CREM: variants seen among roughly 807,000 people sequenced by gnomAD.
CREM encodes cAMP responsive element modulator.
A neutral mutation model predicts 37.3 loss-of-function variants in CREM; 13 were observed. The ratio of observed to expected loss-of-function variants is 0.35; its 90% CI spans 0.23 to 0.55. CREM has a LOEUF of 0.55. CREM is among the 20% of genes least tolerant of loss of function. The probability of loss-of-function intolerance (pLI) is 0.88; values close to 1 mark genes in which losing one functional copy is unlikely to be tolerated. For missense variants in CREM, 296 were observed against 362.3 expected, an observed-to-expected ratio of 0.82 and a Z score of 1.49; for synonymous variants, 124 against 120.2, an observed-to-expected ratio of 1.03 and a Z score of -0.21.
intron 1 of CREM, 104 bp from the exon 2 acceptor site, chr10:35,137,678 C>T: frequency 4.5e-6 from 2 of 441,188 alleles, no homozygotes; most frequent in Non-Finnish European, 7.9e-6. Flanking sequence ...GAATATTCTT[C>T]CTGGCCTTGT....
At chr10:35,193,039 T>C (rs887814245) in intron 6 of CREM, among the ~76,000 whole-genome samples, 12 of 152,162 alleles carry the variant, frequency 7.9e-5, no homozygotes, top group South Asian at 4.1e-4. Flanking sequence ...AAGAATACGT[T>C]CCCCGAGGAA....
chr10:35,158,817 GTTTGT>G (rs1490727976), intron 3 of CREM, among the ~76,000 whole-genome samples: 12 of 65,048 alleles, frequency 1.8e-4, no homozygotes, highest in Admixed American at 8.9e-4. Flanking sequence ...TTGTTGTTTT[GTTTGT>G]TTTTTTTTTT....
intron 1 of CREM, among the ~76,000 whole-genome samples, chr10:35,130,156 A>G (rs1261058255): frequency 1.3e-5 from 2 of 148,278 alleles, no homozygotes; most frequent in East Asian, 2.0e-4. Context: ...AGATCAAGCC[A>G]TTGCATTCCA....
intron 2 of CREM, among the ~76,000 whole-genome samples, chr10:35,145,302 T>A (rs2091948677): frequency 6.6e-6 from 1 of 151,800 alleles, no homozygotes; most frequent in South Asian, 2.1e-4. Context: ...TCTACTCCAA[T>A]CACCTATTCT....
Position 35,179,005 on chromosome 10 carries a change from C to T in CREM, c.266+19C>T. ...CTTATAGGTAAGTTAACCAAGTTTC[C>T]TAATGTAAAGATACTTTTTCCAAAA... On this transcript the variant is annotated intron_variant, in intron 4 of 7. Transcript: ENST00000685392. 6.3e-7 allele frequency: 1 copy of T among 1,583,194 alleles called. No individual in the cohort carries two copies. The highest frequency in any genetic ancestry group is 8.6e-7 in the Non-Finnish European group (1 of 1,164,606).
At chr10:35,182,139 T>C (rs986708298) in intron 5 of CREM, among the ~76,000 whole-genome samples, 1 of 152,242 alleles carries the variant, frequency 6.6e-6, no homozygotes, top group Non-Finnish European at 1.5e-5. Flanking sequence ...ACTAACAACA[T>C]TCAAACTTTT....
rs142529310 is a variant in CREM at position 35,178,494 on chromosome 10, G to C, written c.169-395G>C. 4.6e-3 allele frequency among the ~76,000 whole-genome samples: 704 copies of C among 152,294 alleles called. 5 individuals are homozygous for C. The highest frequency in any genetic ancestry group is 7.3e-3 in the Non-Finnish European group (497 of 68,026). ...GAGTGTGGGAACAGCAGTGTGATCCGGGAGCTCTCTTCTGCGTTGGCCCCT... is the reference window on the plus strand; with the variant it reads ...GAGTGTGGGAACAGCAGTGTGATCCCGGAGCTCTCTTCTGCGTTGGCCCCT... On this transcript the variant is annotated intron_variant, in intron 3 of 7. Coordinates refer to ENST00000685392, the MANE Select transcript of CREM (RefSeq NM_183011.2).
rs114999550 is a variant in CREM, at chr10:35,161,929, A to G, written c.168+13438A>G. Reference sequence around the variant, plus strand: ...CCAGCAATTTCATTACTGGGTATCTATCCAAAGGAGATGAAAGCAGTGTGT... The same window carrying G: ...CCAGCAATTTCATTACTGGGTATCTGTCCAAAGGAGATGAAAGCAGTGTGT... On this transcript the variant is annotated intron_variant, in intron 3 of 7. Transcript: ENST00000685392. 7.0e-3 allele frequency among the ~76,000 whole-genome samples: 1,073 copies of G among 152,330 alleles called. 16 individuals carry two copies. Among genetic ancestry groups the G allele is most frequent in the African/African-American group, 0.024 (1,007 of 41,586 alleles).
At chr10:35,178,455 A>G (rs2094196746) in intron 3 of CREM, among the ~76,000 whole-genome samples, 1 of 152,210 alleles carries the variant, frequency 6.6e-6, no homozygotes, top group South Asian at 2.1e-4. Context: ...AGCTCACGCC[A>G]GCGCCAGCTG....
chr10:35,173,572 A>C (rs1299862584), intron 3 of CREM, among the ~76,000 whole-genome samples: 1 of 152,232 alleles, frequency 6.6e-6, no homozygotes, highest in African/African-American at 2.4e-5. Context: ...TACTATTTTT[A>C]AAATTTCTGT....
intron 6 of CREM, chr10:35,201,310 C>A: frequency 2.5e-6 from 2 of 814,878 alleles, no homozygotes; most frequent in Non-Finnish European, 3.9e-6. Context: ...CGTTGTCTTT[C>A]AGAACTTAAG....
chr10:35,169,391 TG>T (rs1338274569), intron 3 of CREM, among the ~76,000 whole-genome samples: 1 of 152,226 alleles, frequency 6.6e-6, no homozygotes, highest in Non-Finnish European at 1.5e-5. Context: ...ATGATTTGGC[TG>T]TTTGTCTGTT....
At chr10:35,204,443 T>C (rs1564990813) in intron 6 of CREM, among the ~76,000 whole-genome samples, 1 of 151,836 alleles carries the variant, frequency 6.6e-6, no homozygotes, top group African/African-American at 2.4e-5. Context: ...CTACTAAAAA[T>C]ACAAAAATTA....
intron 6 of CREM, among the ~76,000 whole-genome samples, chr10:35,192,780 G>C (rs1345454282): frequency 6.6e-6 from 1 of 152,152 alleles, no homozygotes; most frequent in Non-Finnish European, 1.5e-5. Context: ...AGGAAATTGG[G>C]TGGGGATACA....
intron 2 of CREM, among the ~76,000 whole-genome samples, chr10:35,146,415 A>G (rs2092116842): frequency 1.3e-5 from 2 of 152,362 alleles, no homozygotes; most frequent in African/African-American, 4.8e-5. Flanking sequence ...TCTGTGGGAA[A>G]GAAACCCTTT....
chr10:35,193,300 A>G (rs1317876665), intron 6 of CREM, among the ~76,000 whole-genome samples: 1 of 152,224 alleles, frequency 6.6e-6, no homozygotes, highest in Non-Finnish European at 1.5e-5. Context: ...TAACTGGTCC[A>G]GGGAATACAT....
intron 3 of CREM, among the ~76,000 whole-genome samples, chr10:35,161,495 A>T (rs185304868): frequency 6.6e-6 from 1 of 151,910 alleles, no homozygotes; most frequent in African/African-American, 2.4e-5. Flanking sequence ...CTCCATCTCA[A>T]AAACAAAAAA....
intron 7 of CREM, among the ~76,000 whole-genome samples, chr10:35,208,393 A>T (rs887061507): frequency 6.6e-6 from 1 of 152,172 alleles, no homozygotes; most frequent in Non-Finnish European, 1.5e-5. Context: ...ATTTAAACAT[A>T]AATAAAATTT....
intron 3 of CREM, chr10:35,154,227 C>A (rs753123277): frequency 7.8e-4 from 309 of 394,010 alleles, no homozygotes; most frequent in Non-Finnish European, 1.2e-3. Context: ...TCTGTTTTGC[C>A]CAGCTATGCC....
Sources: allele counts gnomAD v4.1 joint callset (sites outside exome capture counted in the v4.1 genomes callset), GRCh38; gene constraint gnomAD v4.1.1; transcripts MANE v1.5; gene names NCBI Gene and HGNC (gene_info 2026-07-23, HGNC 2026-07-21).